Variants in NUP153 observed in about 807,000 individuals in gnomAD.
NUP153 encodes nuclear pore complex protein Nup153.
Under a neutral mutation model 134.6 loss-of-function variants are expected in NUP153, and 27 were observed. The ratio of observed to expected loss-of-function variants is 0.20; its 90% CI spans 0.15 to 0.28. NUP153 has a LOEUF of 0.28. Among genes scored for constraint, NUP153 ranks in the 10% least tolerant of loss-of-function variants. The pLI is 1.00. For missense variants in NUP153, 1,821 were observed against 1,731.3 expected (o/e 1.05, Z -0.92); for synonymous variants, 640 against 623.5 (o/e 1.03, Z -0.40).
rs9383306 is a variant in NUP153, at chr6:17,625,708, C to G, written c.3901+100G>C. The G allele has an allele frequency of 4.4e-6, 4 of 911,376 alleles. No homozygotes were observed. The highest frequency in any genetic ancestry group is 3.5e-6 in the Non-Finnish European group (2 of 574,962). 56.5% of individuals were successfully genotyped at this position (911,376 alleles called of 1,614,324 possible). The stretch of plus-strand genomic sequence containing the variant: ...TATAGATGACCAAAAGGCATTCCCA[C>G]CATTTTGTGATAACCTGCTATATGA... On this transcript the variant is annotated intron_variant, in intron 19 of 21. Transcript: ENST00000262077. This position sits in a 1 kb window ranked among gnomAD's most constrained non-coding sequence, Gnocchi z 4.7.
rs202228382 is a variant in NUP153 at position 17,616,631 on chromosome 6, T to C, written c.4239A>G (p.Gly1413=). 3 of 1,614,000 alleles carry C rather than the reference T, an allele frequency of 1.9e-6. No individual in the cohort carries two copies. Among genetic ancestry groups the C allele is most frequent in the Non-Finnish European group, 2.5e-6 (3 of 1,179,974 alleles). ...TAGAATTTGCACCAAATGTGAACAC[T>C]CCTGATGGACTGTTGTTTGTGAAGT... ...NFNFTNNSPS[G]VFTFGANSST... The change falls in exon 21 of 22, where the codon GGA becomes GGG. Residue 1413 remains glycine (G), a synonymous_variant. Coordinates refer to ENST00000262077, the MANE Select transcript of NUP153 (RefSeq NM_005124.4).
chr6:17,629,044 G>C lies in NUP153; in HGVS notation c.3155C>G (p.Thr1052Ser). 3 of 1,614,162 alleles carry C rather than the reference G, an allele frequency of 1.9e-6. No individual in the cohort carries two copies. The highest frequency in any genetic ancestry group is 1.7e-6 in the Non-Finnish European group (2 of 1,180,032). ...SENKSSFNLG[T>S]IETKSASVAP... The stretch of plus-strand genomic sequence containing the variant: ...CACTGAAGCACTCTTGGTTTCTATG[G>C]TTCCAAGGTTGAAGCTGCTCTTGTT... Residue 1052 changes from threonine (T) to serine (S), a missense_variant, in exon 18 of 22, where the codon ACC (threonine) becomes AGC (serine). Coordinates refer to ENST00000262077, the MANE Select transcript of NUP153 (RefSeq NM_005124.4).
intron 2 of NUP153, among the ~76,000 whole-genome samples, chr6:17,684,206 G>A (rs965875937): frequency 6.6e-6 from 1 of 152,182 alleles, no homozygotes; most frequent in African/African-American, 2.4e-5. Context: ...AAATTACCCA[G>A]TCTCAAGTAT....
At chr6:17,684,315 T>C (rs1768783460) in intron 2 of NUP153, among the ~76,000 whole-genome samples, 1 of 152,240 alleles carries the variant, frequency 6.6e-6, no homozygotes, top group African/African-American at 2.4e-5. Context: ...TCAGCACTTG[T>C]TGCTTCACCT....
chr6:17,660,199 A>G (rs757365448), intron 11 of NUP153, among the ~76,000 whole-genome samples: 14 of 152,230 alleles, frequency 9.2e-5, no homozygotes, highest in Non-Finnish European at 2.1e-4. Flanking sequence ...GACATCCAAC[A>G]ACTTCAACCA....
At chr6:17,653,940 G>A (rs1322600826) in intron 11 of NUP153, among the ~76,000 whole-genome samples, 1 of 152,204 alleles carries the variant, frequency 6.6e-6, no homozygotes, top group East Asian at 1.9e-4. Flanking sequence ...TTCACGCTAT[G>A]TATGCTGACG....
In NUP153 at chr6:17,637,475, G is replaced by A. The variant is rs774487915; in HGVS notation, c.2142C>T (p.Gly714=). Residue 714 remains glycine (G), a synonymous_variant, in exon 16 of 22, where the codon GGC becomes GGT. Coordinates refer to ENST00000262077, the MANE Select transcript of NUP153 (RefSeq NM_005124.4). ...GKTTLSASGT[G]FGDKFKPVIG... is the part of the protein sequence containing the mutation. ...TCACTGGTTTAAATTTGTCTCCAAA[G>A]CCTGTCCCTGATGCAGAAAGAGTTG... is the stretch of plus-strand genomic sequence containing the variant. 6.2e-7 allele frequency: 1 copy of A among 1,614,222 alleles called. No homozygotes were observed. The highest frequency in any genetic ancestry group is 2.2e-5 in the East Asian group (1 of 44,894).
chr6:17,706,382 G>C lies in NUP153; in HGVS notation c.6C>G (p.Ala2=). Residue 2 remains alanine, a synonymous_variant, in exon 1 of 22, where the codon GCC becomes GCG. Coordinates refer to ENST00000262077, the MANE Select transcript of NUP153 (RefSeq NM_005124.4). This position sits in a 1 kb window ranked among gnomAD's most constrained non-coding sequence, Gnocchi z 5.9. M[A]SGAGGVGGGG... ...CCCCTCCGACTCCTCCGGCTCCCGAGGCCATGGCGGAGCCTCCGCCGCTTC... is the reference window on the plus strand; with the variant it reads ...CCCCTCCGACTCCTCCGGCTCCCGACGCCATGGCGGAGCCTCCGCCGCTTC... The C allele has an allele frequency of 6.2e-7, 1 of 1,611,438 alleles. No homozygotes were observed. The highest frequency in any genetic ancestry group is 8.5e-7 in the Non-Finnish European group (1 of 1,179,266).
chr6:17,619,782 C>T (rs1207777273), intron 20 of NUP153: 1 of 152,062 alleles, frequency 6.6e-6, no homozygotes, highest in Non-Finnish European at 1.5e-5. Flanking sequence ...CCAAAAATAC[C>T]AATGACATTC....
chr6:17,629,082 T>C lies in NUP153; in HGVS notation c.3117A>G (p.Ile1039Met). 3 of 1,614,190 alleles carry C rather than the reference T, an allele frequency of 1.9e-6. No individual in the cohort carries two copies. The highest frequency in any genetic ancestry group is 2.5e-6 in the Non-Finnish European group (3 of 1,180,002). The stretch of plus-strand genomic sequence containing the variant: ...AGCTGCTCTTGTTCTCAGAGGTCAC[T>C]ATGGTGTTAGCAGGAGCAGGGGTGG... ...INSTPAPANT[I>M]VTSENKSSFN... Residue 1039 changes from isoleucine (I) to methionine (M), a missense_variant, in exon 18 of 22, where the codon ATA (isoleucine) becomes ATG (methionine). Transcript: ENST00000262077.
chr6:17,654,271 C>T (rs1440019509), intron 11 of NUP153, among the ~76,000 whole-genome samples: 4 of 152,114 alleles, frequency 2.6e-5, no homozygotes, highest in African/African-American at 9.7e-5. Flanking sequence ...ATGCCAACTC[C>T]TTAAGGCACA....
rs748994194 is a variant in NUP153, at chr6:17,688,574, T to C, written c.156A>G (p.Pro52=). ...TGTTGAAGTATCTTTGTAGCCACCC[T>C]GGCACAATATTCTTAACAGATTCTG... The part of the protein sequence containing the change: ...RVTESVKNIV[P]GWLQRYFNKN... The change falls in exon 2 of 22, where the codon CCA becomes CCG. Residue 52 remains proline, a synonymous_variant. Coordinates refer to ENST00000262077, the MANE Select transcript of NUP153 (RefSeq NM_005124.4). 21 of 1,613,878 alleles carry C rather than the reference T, an allele frequency of 1.3e-5. No individual in the cohort carries two copies. The highest frequency in any genetic ancestry group is 2.2e-5 in the South Asian group (2 of 91,084).
chr6:17,693,350 A>G (rs949097488), intron 1 of NUP153, among the ~76,000 whole-genome samples: 9 of 152,090 alleles, frequency 5.9e-5, no homozygotes, highest in African/African-American at 2.2e-4. Flanking sequence ...GATATTAAAC[A>G]CTAGATATTA....
At chr6:17,643,767 C>T (rs1345635223) in intron 14 of NUP153, among the ~76,000 whole-genome samples, 1 of 152,072 alleles carries the variant, frequency 6.6e-6, no homozygotes, top group Non-Finnish European at 1.5e-5. Flanking sequence ...TCTAAATAGG[C>T]CACTCATAAT....
intron 9 of NUP153, among the ~76,000 whole-genome samples, chr6:17,663,224 GA>G (rs10588743): frequency 1.1e-3 from 148 of 129,304 alleles, no homozygotes; most frequent in Non-Finnish European, 1.7e-3. Flanking sequence ...ATGCTAAAAA[GA>G]AAAAAATACA....
At position 17,615,803 on chromosome 6, in the gene NUP153, T is replaced by G; in HGVS notation, c.*294A>C. 3.0e-6 allele frequency: 1 copy of G among 333,544 alleles called. No individual in the cohort carries two copies. The highest frequency in any genetic ancestry group is 5.5e-6 in the Non-Finnish European group (1 of 181,660). The allele number at this position is 333,544 out of a possible 1,614,324, so 20.7% of individuals were successfully genotyped here. On this transcript the variant is annotated 3_prime_UTR_variant, in exon 22 of 22. Transcript: ENST00000262077. The surrounding 1 kb of genome is among the most constrained non-coding windows in gnomAD (Gnocchi z 5.7). ...AGGTTCTATACAAAGCCATTCACCG[T>G]GCAGGCTCCATTCCTGGGTACAGCC...
intron 11 of NUP153, chr6:17,651,918 A>G: frequency 1.6e-6 from 1 of 637,954 alleles, no homozygotes; most frequent in South Asian, 1.7e-5. Flanking sequence ...ATACGGTGAG[A>G]CCTTGTCTCT....
chr6:17,653,828 A>G (rs1316536022), intron 11 of NUP153, among the ~76,000 whole-genome samples: 1 of 152,220 alleles, frequency 6.6e-6, no homozygotes, highest in Admixed American at 6.5e-5. Context: ...CACAGATGTA[A>G]GCATTTGTCA....
rs184565322 is a variant in NUP153, at chr6:17,643,512, C to T, written c.1720+2555G>A. On this transcript the variant is annotated intron_variant, in intron 14 of 21. Transcript: ENST00000262077. ...CCAAAAATAACCACCACTCGTACAA[C>T]TATGCCAAAACAAACTTATAATTTA... is the stretch of plus-strand genomic sequence containing the variant. Among the ~76,000 whole-genome samples, 7 of 152,266 alleles carry T rather than the reference C, an allele frequency of 4.6e-5. No homozygotes were observed. The East Asian group carries it at 1.4e-3, about 29-fold the overall frequency.
Sources: allele counts gnomAD v4.1 joint callset (sites outside exome capture counted in the v4.1 genomes callset), GRCh38; gene constraint gnomAD v4.1.1; non-coding constraint Gnocchi (gnomAD v3.1); transcripts MANE v1.5; gene names NCBI Gene and HGNC (gene_info 2026-07-23, HGNC 2026-07-21).